The following NKAIN3 variants were observed in gnomAD, a reference collection of about 807,000 sequenced individuals.
NKAIN3 encodes sodium/potassium transporting ATPase interacting 3.
NKAIN3 carries 25 observed loss-of-function variants against 30.2 expected under a neutral mutation model. The observed-to-expected ratio is 0.83, with a 90% confidence interval of 0.60 to 1.16. NKAIN3 has a LOEUF of 1.16. Ranked by LOEUF, NKAIN3 falls within the 50% of genes most tolerant of loss-of-function variation. The probability of loss-of-function intolerance (pLI) is 0.00; values close to 1 mark genes in which losing one functional copy is unlikely to be tolerated. For missense variants in NKAIN3, 225 were observed against 254.1 expected (o/e 0.89, Z 0.78); for synonymous variants, 91 against 89.6 (o/e 1.02, Z -0.09).
intron 4 of NKAIN3, among the ~76,000 whole-genome samples, chr8:62,821,994 A>G (rs1818863218): frequency 6.6e-6 from 1 of 152,024 alleles, no homozygotes; most frequent in Non-Finnish European, 1.5e-5. Flanking sequence ...ATAGAGGGTG[A>G]TGGGCAAAGC....
chr8:62,289,163 T>C (rs1585637627), intron 1 of NKAIN3, among the ~76,000 whole-genome samples: 2 of 152,222 alleles, frequency 1.3e-5, no homozygotes, highest in Admixed American at 1.3e-4. Flanking sequence ...GATGAGTAGA[T>C]GGCAAAAATT....
At chr8:62,864,491 A>C (rs1820360179) in intron 4 of NKAIN3, among the ~76,000 whole-genome samples, 1 of 152,198 alleles carries the variant, frequency 6.6e-6, no homozygotes, top group Non-Finnish European at 1.5e-5. Flanking sequence ...GAGGAATATA[A>C]TCTTGATGAG....
intron 4 of NKAIN3, among the ~76,000 whole-genome samples, chr8:62,770,250 G>A (rs76204267): frequency 0.055 from 8,344 of 152,236 alleles, 300 homozygotes; most frequent in Non-Finnish European, 0.084. Context: ...AAGATCCAGG[G>A]ATAATCTACA....
At chr8:62,697,571 T>C (rs940177515) in intron 3 of NKAIN3, among the ~76,000 whole-genome samples, 2 of 152,208 alleles carry the variant, frequency 1.3e-5, no homozygotes, top group Admixed American at 6.5e-5. Context: ...TGCTTACTTA[T>C]GTTTGTTTTT....
intron 3 of NKAIN3, among the ~76,000 whole-genome samples, chr8:62,729,035 A>AAAAAAAAAAAAC (rs1344781585): frequency 9.1e-6 from 1 of 110,240 alleles, no homozygotes; most frequent in African/African-American, 4.2e-5. Context: ...AAAAAAAAAA[A>AAAAAAAAAAAAC]AAAACAAAAA....
At chr8:62,659,257 G>A (rs943455990) in intron 3 of NKAIN3, among the ~76,000 whole-genome samples, 2 of 152,186 alleles carry the variant, frequency 1.3e-5, no homozygotes, top group Admixed American at 1.3e-4. Flanking sequence ...CCCCAAAAGT[G>A]GTAGTGACCT....
intron 3 of NKAIN3, among the ~76,000 whole-genome samples, chr8:62,602,256 T>G (rs778057229): frequency 6.6e-6 from 1 of 152,118 alleles, no homozygotes; most frequent in Non-Finnish European, 1.5e-5. Flanking sequence ...TAGCTGTATT[T>G]CTTATTATAT....
chr8:62,874,254 G>T (rs943119834), intron 4 of NKAIN3, among the ~76,000 whole-genome samples: 1 of 151,950 alleles, frequency 6.6e-6, no homozygotes, highest in Non-Finnish European at 1.5e-5. Context: ...ATTCCTGGAT[G>T]CATACACACT....
At chr8:62,249,150 C>A (rs1325644989) in intron 1 of NKAIN3, 23 bp downstream of exon 1, 1 of 1,522,174 alleles carries the variant, frequency 6.6e-7, no homozygotes, top group Admixed American at 2.0e-5. Context: ...AGGGCCCCTG[C>A]CCCAGGACAG....
intron 1 of NKAIN3, among the ~76,000 whole-genome samples, chr8:62,558,267 G>T (rs892051664): frequency 1.2e-4 from 18 of 152,034 alleles, no homozygotes; most frequent in African/African-American, 4.3e-4. Flanking sequence ...ATTGGTCTAT[G>T]TGCCTGTTTT....
At chr8:62,851,653 GT>G (rs1169704823) in intron 4 of NKAIN3, among the ~76,000 whole-genome samples, 1 of 152,160 alleles carries the variant, frequency 6.6e-6, no homozygotes. Context: ...TTTATTGAGA[GT>G]TTTTAGCATG....
At chr8:62,707,086 C>T (rs1330926219) in intron 3 of NKAIN3, among the ~76,000 whole-genome samples, 14 of 150,346 alleles carry the variant, frequency 9.3e-5, no homozygotes, top group Admixed American at 3.3e-4. Flanking sequence ...CACACACACA[C>T]GCACATATAT....
chr8:62,448,762 A>G (rs1158476057), intron 1 of NKAIN3, among the ~76,000 whole-genome samples: 3 of 152,064 alleles, frequency 2.0e-5, no homozygotes, highest in East Asian at 1.9e-4. Context: ...GTAAAGAGTC[A>G]TTGAGCTTAA....
At chr8:62,593,206 T>C (rs1013383933) in intron 3 of NKAIN3, among the ~76,000 whole-genome samples, 5 of 151,966 alleles carry the variant, frequency 3.3e-5, no homozygotes, top group Non-Finnish European at 5.9e-5. Flanking sequence ...TCTCAGTAAA[T>C]GTTGAATGAC....
chr8:62,713,030 G>A (rs1217522816), intron 3 of NKAIN3, among the ~76,000 whole-genome samples: 1 of 152,224 alleles, frequency 6.6e-6, no homozygotes, highest in Non-Finnish European at 1.5e-5. Flanking sequence ...CGGTAGAGGA[G>A]AGTTTCCCTT....
intron 1 of NKAIN3, among the ~76,000 whole-genome samples, chr8:62,475,134 TA>T: frequency 6.6e-6 from 1 of 152,036 alleles, no homozygotes; most frequent in South Asian, 2.1e-4. Flanking sequence ...ACAGAAGGGA[TA>T]AAAAAAGAAT....
At position 62,897,363 on chromosome 8, in the gene NKAIN3, T is replaced by C. The variant is rs1437633278; in HGVS notation, c.472-21090T>C. ...GAAAAGCTTATGGAAACAAATCTGTTGGTGTAATTTTTTTTTTTCATTTAA... is the reference window on the plus strand; with the variant it reads ...GAAAAGCTTATGGAAACAAATCTGTCGGTGTAATTTTTTTTTTTCATTTAA... On this transcript the variant is annotated intron_variant, in intron 4 of 6. Transcript: ENST00000623646. Among the ~76,000 whole-genome samples, 3 of 75,394 alleles carry C rather than the reference T, an allele frequency of 4.0e-5. No homozygotes were observed. The East Asian group carries it at 2.5e-3, about 64-fold the overall frequency. 49.5% of individuals were successfully genotyped at this position (75,394 alleles called of 152,430 possible). A position where few individuals can be genotyped will look rare whatever the true frequency, so the allele number is the denominator to read the frequency against.
intron 5 of NKAIN3, among the ~76,000 whole-genome samples, chr8:62,951,696 C>T (rs1450746985): frequency 6.6e-6 from 1 of 152,156 alleles, no homozygotes; most frequent in African/African-American, 2.4e-5. Context: ...CTCCTGAGCC[C>T]AAGCAATTCA....
intron 3 of NKAIN3, among the ~76,000 whole-genome samples, chr8:62,652,531 A>G (rs1812655806): frequency 6.6e-6 from 1 of 152,162 alleles, no homozygotes; most frequent in Admixed American, 6.6e-5. Flanking sequence ...TATTAGACAT[A>G]AAGTCCATGT....
Sources: allele counts gnomAD v4.1 joint callset (sites outside exome capture counted in the v4.1 genomes callset), GRCh38; gene constraint gnomAD v4.1.1; transcripts MANE v1.5; gene names NCBI Gene and HGNC (gene_info 2026-07-23, HGNC 2026-07-21).